Variants in DNAH14 observed in about 807,000 individuals in gnomAD.
DNAH14 encodes the protein axonemal beta dynein heavy chain 14.
In DNAH14, 478 loss-of-function variants were observed where a neutral mutation model predicts 520.9. That is an observed-to-expected ratio of 0.92 (90% CI 0.85 to 0.99). DNAH14 has a LOEUF of 0.99. Ranked by LOEUF, DNAH14 falls within the 50% of genes least tolerant of loss-of-function variation. DNAH14 has a pLI of 0.00. For missense variants in DNAH14, 4,831 were observed against 5,234.5 expected (o/e 0.92, Z 2.38); for synonymous variants, 1,581 against 1,757.2 (o/e 0.90, Z 2.51).
Position 225,318,641 on chromosome 1 carries a change from T to C in DNAH14, c.9299T>C (p.Leu3100Pro), listed in dbSNP as rs917285150. Residue 3100 changes from leucine to proline, a missense_variant, in exon 61 of 86, where the codon CTG (leucine) becomes CCG (proline). Leu to Pro is a moderately conservative substitution (Grantham distance 98, BLOSUM62 -3). Coordinates refer to ENST00000682510, the MANE Select transcript of DNAH14 (RefSeq NM_001367479.1). Reference protein sequence around the residue: ...LPAFDKAIVALNALDKADVAE... With the variant: ...LPAFDKAIVAPNALDKADVAE... The stretch of plus-strand genomic sequence containing the variant: ...GCCTTTGACAAGGCAATTGTGGCTC[T>C]GAATGCCCTGGATAAAGCTGATGTC... 8 of 1,550,612 alleles carry C rather than the reference T, an allele frequency of 5.2e-6. No homozygotes were observed. The African/African-American group carries it at 5.5e-5, about 11-fold the overall frequency.
At chr1:225,308,721 A>G (rs2094298598) in intron 60 of DNAH14, among the ~76,000 whole-genome samples, 2 of 152,242 alleles carry the variant, frequency 1.3e-5, no homozygotes, top group African/African-American at 4.8e-5. Flanking sequence ...TTCAAGAGTA[A>G]CATCTGCAAG....
chr1:225,218,587 G>A (rs992108418), intron 41 of DNAH14, among the ~76,000 whole-genome samples: 3 of 152,032 alleles, frequency 2.0e-5, no homozygotes, highest in African/African-American at 4.8e-5. Context: ...AATGGTAAAG[G>A]GATCAATGCA....
At chr1:225,188,044 G>A (rs2084956033) in intron 37 of DNAH14, among the ~76,000 whole-genome samples, 1 of 151,846 alleles carries the variant, frequency 6.6e-6, no homozygotes, top group African/African-American at 2.4e-5. Flanking sequence ...GGCCACAGAT[G>A]TTTGGGTTTG....
At chr1:225,261,430 A>G (rs1427725478) in intron 46 of DNAH14, among the ~76,000 whole-genome samples, 2 of 152,124 alleles carry the variant, frequency 1.3e-5, no homozygotes, top group Non-Finnish European at 2.9e-5. Flanking sequence ...TTAATATGGG[A>G]TATCACATTT....
Position 225,322,787 on chromosome 1 carries a change from A to T in DNAH14, c.9459A>T (p.Lys3153Asn). The T allele has an allele frequency of 6.4e-7, 1 of 1,551,912 alleles. No homozygotes were observed. Among genetic ancestry groups the T allele is most frequent in the African/African-American group, 1.4e-5 (1 of 73,158 alleles). The change falls in exon 62 of 86, where the codon AAA (lysine) becomes AAT (asparagine). Residue 3153 changes from lysine (K) to asparagine (N), a missense_variant. Lys to Asn is a moderately conservative substitution (Grantham distance 94, BLOSUM62 0). Transcript: ENST00000682510. ...LLLSETGFLK[K>N]LINLDKDSIP... ...TTTCAGAAACTGGTTTCCTGAAAAA[A>T]TTGATTAACCTTGACAAGGACAGCA...
chr1:225,114,190 A>G (rs1600532), intron 23 of DNAH14, among the ~76,000 whole-genome samples: 11,217 of 152,210 alleles, frequency 0.074, 641 homozygotes, highest in East Asian at 0.24. Context: ...AGGGCTGTTT[A>G]GTTAGCAGGT....
chr1:225,091,214 A>G (rs775621916), intron 21 of DNAH14, among the ~76,000 whole-genome samples: 2 of 152,142 alleles, frequency 1.3e-5, no homozygotes, highest in Non-Finnish European at 2.9e-5. Context: ...CTAGAGGCCA[A>G]CACTCAAATT....
intron 23 of DNAH14, among the ~76,000 whole-genome samples, chr1:225,115,745 A>G (rs976214176): frequency 2.6e-5 from 4 of 152,198 alleles, no homozygotes; most frequent in African/African-American, 9.6e-5. Flanking sequence ...TCTTTAGACT[A>G]TTACTGAGGA....
intron 22 of DNAH14, among the ~76,000 whole-genome samples, chr1:225,100,101 CAT>C (rs2075320676): frequency 6.6e-6 from 1 of 152,130 alleles, no homozygotes; most frequent in Non-Finnish European, 1.5e-5. Flanking sequence ...TATCACATCA[CAT>C]GTGGGTTTTG....
intron 26 of DNAH14, among the ~76,000 whole-genome samples, chr1:225,121,624 T>C (rs897626503): frequency 6.6e-5 from 10 of 152,122 alleles, no homozygotes; most frequent in African/African-American, 2.4e-4. Flanking sequence ...GTGGATCCCC[T>C]GAGATCAGGA....
At chr1:225,082,825 G>T (rs2073301272) in intron 20 of DNAH14, 86 bp downstream of exon 20, 1 of 1,125,096 alleles carries the variant, frequency 8.9e-7, no homozygotes, top group Non-Finnish European at 1.3e-6. Context: ...CAATGGATAG[G>T]AATTAGGAAA....
At chr1:225,301,368 A>G (rs1166072509) in intron 56 of DNAH14, among the ~76,000 whole-genome samples, 1 of 152,120 alleles carries the variant, frequency 6.6e-6, no homozygotes, top group Non-Finnish European at 1.5e-5. Context: ...TGATGTTCTT[A>G]TTTCGTCTTT....
chr1:224,969,195 G>T, intron 7 of DNAH14: 1 of 212,214 alleles, frequency 4.7e-6, no homozygotes. Context: ...ACTCTTTTCA[G>T]TATTAAAACT....
At chr1:225,216,921 A>G (rs1419166300) in intron 41 of DNAH14, among the ~76,000 whole-genome samples, 1 of 152,198 alleles carries the variant, frequency 6.6e-6, no homozygotes, top group East Asian at 1.9e-4. Flanking sequence ...GTCATTCTCC[A>G]TCCAGCTTTG....
intron 41 of DNAH14, among the ~76,000 whole-genome samples, chr1:225,224,852 CTG>C (rs2090390029): frequency 6.6e-6 from 1 of 152,192 alleles, no homozygotes; most frequent in African/African-American, 2.4e-5. Flanking sequence ...TTGTTAGTGA[CTG>C]TGCTTACTGT....
At chr1:225,132,355 C>T (rs2078508512) in intron 27 of DNAH14, among the ~76,000 whole-genome samples, 1 of 152,034 alleles carries the variant, frequency 6.6e-6, no homozygotes, top group South Asian at 2.1e-4. Context: ...CTGATGCTTT[C>T]CCTCCCTCTG....
At chr1:224,975,636 G>A (rs2061773446) in intron 8 of DNAH14, among the ~76,000 whole-genome samples, 1 of 151,052 alleles carries the variant, frequency 6.6e-6, no homozygotes, top group African/African-American at 2.4e-5. Flanking sequence ...TATTAGTCTT[G>A]CTTGCGGTCT....
intron 55 of DNAH14, among the ~76,000 whole-genome samples, chr1:225,292,896 AC>A (rs1328549365): frequency 2.0e-5 from 3 of 151,654 alleles, no homozygotes; most frequent in Non-Finnish European, 2.9e-5. Context: ...AATTTTTTTC[AC>A]CTAGTTTGCT....
At chr1:224,947,951 GTGGT>G (rs773561221) in intron 1 of DNAH14, among the ~76,000 whole-genome samples, 7 of 151,910 alleles carry the variant, frequency 4.6e-5, no homozygotes, top group African/African-American at 9.7e-5. Context: ...GATCCAGTAG[GTGGT>G]TGATTTTCAA....
Sources: gnomAD v4.1 joint callset for allele counts (sites outside exome capture counted in the v4.1 genomes callset) on GRCh38, gnomAD v4.1.1 for gene constraint, MANE v1.5 for transcripts, NCBI Gene and HGNC (gene_info 2026-07-23, HGNC 2026-07-21) for gene names.